The following RNF157 variants were observed in gnomAD, a reference collection of about 807,000 sequenced individuals.
RNF157 encodes E3 ubiquitin ligase RNF157.
RNF157 carries 55 observed loss-of-function variants against 88.3 expected under a neutral mutation model. The observed-to-expected ratio is 0.62, with a 90% CI of 0.50 to 0.78. The LOEUF (loss-of-function observed/expected upper bound fraction) is 0.78, where lower values mean the gene tolerates loss of function less well. RNF157 is among the 30% of genes least tolerant of loss of function. The pLI is 0.00. For missense variants in RNF157, 788 were observed against 860.8 expected (o/e 0.92, Z 1.06); for synonymous variants, 334 against 341.2 (o/e 0.98, Z 0.23).
At chr17:76,171,892 G>A (rs2069019910) in intron 3 of RNF157, among the ~76,000 whole-genome samples, 1 of 152,212 alleles carries the variant, frequency 6.6e-6, no homozygotes, top group African/African-American at 2.4e-5. Flanking sequence ...CAGAGGCTAT[G>A]ACCTCACAGC....
intron 1 of RNF157, among the ~76,000 whole-genome samples, chr17:76,216,892 A>G (rs926695472): frequency 2.0e-5 from 3 of 151,556 alleles, no homozygotes; most frequent in Non-Finnish European, 4.4e-5. Flanking sequence ...CCCTGTGTCA[A>G]AAAAAAACAA....
rs2068539698 is a variant in RNF157 at position 76,143,209 on chromosome 17, T to TC, written c.*2025dup. 1 of 152,234 alleles carries TC rather than the reference T, an allele frequency of 6.6e-6. No homozygotes were observed. The highest frequency in any genetic ancestry group is 2.4e-5 in the African/African-American group (1 of 41,432). The allele number at this position is 152,234 out of a possible 1,614,324, so 9.4% of individuals were successfully genotyped here. On this transcript the variant is annotated 3_prime_UTR_variant, in exon 19 of 19. Coordinates refer to ENST00000269391, the MANE Select transcript of RNF157 (RefSeq NM_052916.3). Reference sequence around the variant, plus strand: ...GACATGGGACTGAGGCCTTGAGGAATCTTTCCGTGCTTCTCCCTAGGAGAG... The same window carrying TC: ...GACATGGGACTGAGGCCTTGAGGAATCCTTTCCGTGCTTCTCCCTAGGAGAG...
At position 76,195,647 on chromosome 17, in the gene RNF157, T is replaced by C. The variant is rs895447251; in HGVS notation, c.207+16717A>G. On this transcript the variant is annotated intron_variant, in intron 2 of 18. Coordinates refer to ENST00000269391, the MANE Select transcript of RNF157 (RefSeq NM_052916.3). This position sits in a 1 kb window ranked among gnomAD's most constrained non-coding sequence, Gnocchi z 4.4. ...CAATGCCTGCAAACAATAGAGTGGA[T>C]AAATTATGGTGTATTCACACAATGA... Among the ~76,000 whole-genome samples the C allele has an allele frequency of 1.1e-4, 16 of 152,140 alleles. No homozygotes were observed. The highest frequency in any genetic ancestry group is 3.9e-4 in the African/African-American group (16 of 41,424).
chr17:76,175,818 C>T lies in RNF157; in HGVS notation c.208-2028G>A, dbSNP rs933489246. 2.4e-5 allele frequency: 24 copies of T among 982,202 alleles called. No individual in the cohort carries two copies. In the African/African-American group the frequency reaches 3.3e-4, roughly 14 times the overall value. The allele number at this position is 982,202 out of a possible 1,614,324, so 60.8% of individuals were successfully genotyped here. ...TTTCTCCTCCATAGCCACTCCCTGC[C>T]GCAAAAGAGAGAAAAATAAAAAGAA... On this transcript the variant is annotated intron_variant, in intron 2 of 18. Coordinates refer to ENST00000269391, the MANE Select transcript of RNF157 (RefSeq NM_052916.3).
At chr17:76,227,848 G>C (rs1344656640) in intron 1 of RNF157, among the ~76,000 whole-genome samples, 2 of 152,050 alleles carry the variant, frequency 1.3e-5, no homozygotes, top group Admixed American at 6.6e-5. Context: ...TTGCACTCCA[G>C]CCTGGGCAAC....
chr17:76,186,581 G>A (rs1050893417), intron 2 of RNF157, among the ~76,000 whole-genome samples: 8 of 152,120 alleles, frequency 5.3e-5, no homozygotes, highest in Non-Finnish European at 1.5e-5. Flanking sequence ...AATTACAAGA[G>A]TTGTCAAGAT....
intron 1 of RNF157, among the ~76,000 whole-genome samples, chr17:76,228,444 C>T (rs545665060): frequency 6.6e-6 from 1 of 152,324 alleles, no homozygotes; most frequent in African/African-American, 2.4e-5. Context: ...AACTTCTTCA[C>T]CTGAGTTCTC....
chr17:76,164,776 C>A lies in RNF157; in HGVS notation c.692G>T (p.Cys231Phe). The change falls in exon 8 of 19, where the codon TGT becomes TTT. Residue 231 changes from cysteine to phenylalanine, a missense_variant. Coordinates refer to ENST00000269391, the MANE Select transcript of RNF157 (RefSeq NM_052916.3). ...TTGTTTCTGTTTGAGGGGCTTGACA[C>A]AGAAAGTTCCATCTGTGTGCTGGAA... The part of the protein sequence containing the change: ...TFEKHTDGTF[C>F]VKPLKQKQVV... 4 of 1,611,634 alleles carry A rather than the reference C, an allele frequency of 2.5e-6. No homozygotes were observed. Among genetic ancestry groups the A allele is most frequent in the Non-Finnish European group, 3.4e-6 (4 of 1,177,972 alleles).
At chr17:76,167,176 G>A in intron 4 of RNF157, 50 bp from the exon 5 acceptor site, 1 of 1,346,008 alleles carries the variant, frequency 7.4e-7, no homozygotes, top group Non-Finnish European at 1.1e-6. Flanking sequence ...CGGCACAGAT[G>A]GGTCTGACAA....
intron 18 of RNF157, among the ~76,000 whole-genome samples, chr17:76,149,339 G>C (rs1050748276): frequency 1.3e-5 from 2 of 151,934 alleles, no homozygotes; most frequent in African/African-American, 4.8e-5. Context: ...TTTCCCACTG[G>C]CCCTCCATGA....
chr17:76,212,531 C>T (rs1361954271), intron 1 of RNF157, 49 bp from the exon 2 acceptor site: 6 of 1,184,342 alleles, frequency 5.1e-6, no homozygotes, highest in Non-Finnish European at 7.5e-6. Context: ...AACAGTCAAC[C>T]TAAATCTAGT....
chr17:76,240,156 A>G lies in RNF157; in HGVS notation c.85T>C (p.Ser29Pro). Residue 29 changes from serine to proline, a missense_variant, in exon 1 of 19, where the codon TCC becomes CCC. Physicochemically the swap from Ser to Pro is moderately conservative, Grantham distance 74. Coordinates refer to ENST00000269391, the MANE Select transcript of RNF157 (RefSeq NM_052916.3). The surrounding 1 kb of genome is among the most constrained non-coding windows in gnomAD (Gnocchi z 4.4). ...SNSVYRYPPK[S>P]GSYFASHFIM... The stretch of plus-strand genomic sequence containing the variant: ...TGCGGCGCCCGCCCGCCCTCACCGG[A>G]CTTGGGCGGGTAGCGGTACACGGAA... 7.4e-7 allele frequency: 1 copy of G among 1,355,838 alleles called. No homozygotes were observed. The highest frequency in any genetic ancestry group is 9.6e-7 in the Non-Finnish European group (1 of 1,041,416). The allele number at this position is 1,355,838 out of a possible 1,614,324, so 84.0% of individuals were successfully genotyped here.
At chr17:76,224,216 G>T (rs1174256710) in intron 1 of RNF157, among the ~76,000 whole-genome samples, 1 of 152,144 alleles carries the variant, frequency 6.6e-6, no homozygotes, top group Non-Finnish European at 1.5e-5. Flanking sequence ...TAAATAATTT[G>T]CCTAATCATT....
chr17:76,158,529 A>T, intron 12 of RNF157, 28 bp from the exon 13 acceptor site: 1 of 1,472,210 alleles, frequency 6.8e-7, no homozygotes, highest in Admixed American at 1.7e-5. Flanking sequence ...AAAAGCAGCT[A>T]TATCCAACGT....
chr17:76,214,957 A>G (rs2069863417), intron 1 of RNF157, among the ~76,000 whole-genome samples: 1 of 152,168 alleles, frequency 6.6e-6, no homozygotes, highest in African/African-American at 2.4e-5. Context: ...TCTAATTTCT[A>G]TTATCTAATT....
chr17:76,163,761 C>T (rs984174427), intron 8 of RNF157: 8 of 152,232 alleles, frequency 5.3e-5, no homozygotes, highest in Admixed American at 1.3e-4. Context: ...CGAGCCTTTC[C>T]ATCCCATCCA....
At chr17:76,194,817 C>T (rs563850965) in intron 2 of RNF157, among the ~76,000 whole-genome samples, 1 of 152,092 alleles carries the variant, frequency 6.6e-6, no homozygotes, top group African/African-American at 2.4e-5. Flanking sequence ...AGATCGAGAC[C>T]ATCCTGGCTA....
At chr17:76,162,476 A>G (rs1483920058) in intron 9 of RNF157, 76 bp downstream of exon 9, 1 of 1,125,034 alleles carries the variant, frequency 8.9e-7, no homozygotes, top group Non-Finnish European at 1.3e-6. Flanking sequence ...GGCACGCTAA[A>G]TTTCTGGACG....
chr17:76,240,011 C>G lies in RNF157; in HGVS notation c.88+142G>C. ...GGGAGACCTCGGCCTTCTCGAAGAC[C>G]TCCCGCGCTCGAAGACCGTTTCGGA... is the stretch of plus-strand genomic sequence containing the variant. On this transcript the variant is annotated intron_variant, in intron 1 of 18. Coordinates refer to ENST00000269391, the MANE Select transcript of RNF157 (RefSeq NM_052916.3). This position sits in a 1 kb window ranked among gnomAD's most constrained non-coding sequence, Gnocchi z 4.4. 2.9e-6 allele frequency: 1 copy of G among 347,146 alleles called. No individual in the cohort carries two copies. The highest frequency in any genetic ancestry group is 4.9e-6 in the Non-Finnish European group (1 of 204,794). The allele number at this position is 347,146 out of a possible 1,614,324, so 21.5% of individuals were successfully genotyped here.
Sources: allele counts gnomAD v4.1 joint callset (sites outside exome capture counted in the v4.1 genomes callset), GRCh38; gene constraint gnomAD v4.1.1; non-coding constraint Gnocchi (gnomAD v3.1); transcripts MANE v1.5; gene names NCBI Gene and HGNC (gene_info 2026-07-23, HGNC 2026-07-21).